Variants in TIAM1 observed in about 807,000 individuals in gnomAD.
TIAM1 encodes the protein rho guanine nucleotide exchange factor TIAM1.
In TIAM1, 65 loss-of-function variants were observed where a neutral mutation model predicts 163.5. That is an observed-to-expected ratio of 0.40 (90% CI 0.33 to 0.49). The LOEUF is 0.49. Ranked by LOEUF, TIAM1 falls within the 20% of genes least tolerant of loss-of-function variation. The probability of loss-of-function intolerance (pLI) is 0.77; values close to 1 mark genes in which losing one functional copy is unlikely to be tolerated. For synonymous variants in TIAM1, 833 were observed against 810.1 expected (o/e 1.03, Z -0.48); for missense variants, 1,789 against 2,044.7 (o/e 0.87, Z 2.41).
At chr21:31,380,984 C>T (rs1014789999) in intron 2 of TIAM1, among the ~76,000 whole-genome samples, 2 of 152,150 alleles carry the variant, frequency 1.3e-5, no homozygotes, top group African/African-American at 2.4e-5. Flanking sequence ...CTTCTTTCAC[C>T]GATGAGTGAG....
intron 15 of TIAM1, among the ~76,000 whole-genome samples, chr21:31,171,496 A>G (rs909040408): frequency 6.6e-6 from 1 of 152,244 alleles, no homozygotes; most frequent in Non-Finnish European, 1.5e-5. Flanking sequence ...AAAATATAAA[A>G]GAACTCTTAC....
At chr21:31,339,080 T>C (rs1338064699) in intron 2 of TIAM1, among the ~76,000 whole-genome samples, 163 bp downstream of exon 2, 1 of 152,148 alleles carries the variant, frequency 6.6e-6, no homozygotes, top group Non-Finnish European at 1.5e-5. Flanking sequence ...AGCCTCAGAT[T>C]GCAAGTGGGG....
intron 13 of TIAM1, among the ~76,000 whole-genome samples, chr21:31,192,638 T>C (rs972895020): frequency 2.6e-5 from 4 of 152,008 alleles, no homozygotes; most frequent in Admixed American, 1.3e-4. Flanking sequence ...CTTAATAACT[T>C]GATTCAGAGA....
At chr21:31,375,615 T>C (rs1192108944) in intron 2 of TIAM1, among the ~76,000 whole-genome samples, 1 of 152,212 alleles carries the variant, frequency 6.6e-6, no homozygotes, top group Non-Finnish European at 1.5e-5. Flanking sequence ...CATCTTCTTA[T>C]ATCAAAAAAG....
chr21:31,533,192 G>A (rs959040282), intron 1 of TIAM1, among the ~76,000 whole-genome samples: 8 of 152,104 alleles, frequency 5.3e-5, no homozygotes, highest in Admixed American at 1.3e-4. Context: ...ATGGTGGCAC[G>A]CACCTGTAAT....
intron 15 of TIAM1, among the ~76,000 whole-genome samples, chr21:31,174,716 C>T (rs948982329): frequency 6.6e-6 from 1 of 152,178 alleles, no homozygotes; most frequent in East Asian, 1.9e-4. Context: ...GGTGCGATCC[C>T]GGCTCACTGC....
intron 1 of TIAM1, among the ~76,000 whole-genome samples, chr21:31,500,695 G>A (rs779576185): frequency 6.6e-6 from 1 of 152,130 alleles, no homozygotes; most frequent in Non-Finnish European, 1.5e-5. Flanking sequence ...GGCACAAAAT[G>A]GAGGGAGGCC....
At chr21:31,337,946 T>TG (rs1253605857) in intron 2 of TIAM1, among the ~76,000 whole-genome samples, 1 of 152,132 alleles carries the variant, frequency 6.6e-6, no homozygotes, top group Non-Finnish European at 1.5e-5. Context: ...CGCTCTCTGT[T>TG]GGAGGGTGCC....
intron 6 of TIAM1, among the ~76,000 whole-genome samples, chr21:31,228,953 AACTC>A (rs1569070547): frequency 6.6e-6 from 1 of 152,156 alleles, no homozygotes; most frequent in African/African-American, 2.4e-5. Context: ...ATCTAGTGAG[AACTC>A]ACTCACTTTC....
At chr21:31,400,686 G>A (rs2077149847) in intron 2 of TIAM1, among the ~76,000 whole-genome samples, 1 of 152,130 alleles carries the variant, frequency 6.6e-6, no homozygotes, top group Non-Finnish European at 1.5e-5. Context: ...TGGTTAGTGG[G>A]GCATAGAAGC....
chr21:31,432,204 G>A (rs1240153953), intron 2 of TIAM1, among the ~76,000 whole-genome samples: 5 of 146,682 alleles, frequency 3.4e-5, no homozygotes, highest in African/African-American at 5.1e-5. Flanking sequence ...GGGTTCAAGC[G>A]ATTCTCCTGC....
intron 2 of TIAM1, among the ~76,000 whole-genome samples, chr21:31,277,276 T>C (rs1038209704): frequency 1.3e-5 from 2 of 152,226 alleles, no homozygotes; most frequent in African/African-American, 4.8e-5. Flanking sequence ...TCATCCTCAC[T>C]GCTACACTCC....
chr21:31,519,939 A>C (rs1046564167), intron 1 of TIAM1, among the ~76,000 whole-genome samples: 1 of 135,926 alleles, frequency 7.4e-6, no homozygotes, highest in African/African-American at 2.7e-5. Flanking sequence ...GGAGTTTCGG[A>C]GTTTCCATTT....
chr21:31,497,758 A>T (rs2046714307), intron 1 of TIAM1, among the ~76,000 whole-genome samples: 1 of 152,274 alleles, frequency 6.6e-6, no homozygotes, highest in South Asian at 2.1e-4. Flanking sequence ...ATAAGAAATC[A>T]GCTAAAAGCC....
At chr21:31,129,261 T>C (rs1441996062) in intron 25 of TIAM1, among the ~76,000 whole-genome samples, 1 of 152,208 alleles carries the variant, frequency 6.6e-6, no homozygotes, top group Non-Finnish European at 1.5e-5. Flanking sequence ...GTCACAGAAA[T>C]ATCACTTTTC....
intron 2 of TIAM1, among the ~76,000 whole-genome samples, chr21:31,457,103 A>T (rs959424235): frequency 6.6e-6 from 1 of 151,982 alleles, no homozygotes; most frequent in Non-Finnish European, 1.5e-5. Context: ...CTCCTCCCTG[A>T]TCATTTTTTT....
intron 6 of TIAM1, among the ~76,000 whole-genome samples, chr21:31,228,811 G>C (rs969124799): frequency 6.6e-6 from 1 of 152,206 alleles, no homozygotes; most frequent in Non-Finnish European, 1.5e-5. Flanking sequence ...TCACAGTTCA[G>C]CATGGCTGAG....
chr21:31,453,226 G>T, intron 2 of TIAM1: 1 of 256,796 alleles, frequency 3.9e-6, no homozygotes, highest in South Asian at 6.0e-5. Context: ...CTAAATAAAC[G>T]GATTGCTTTT....
chr21:31,240,484 A>G (rs1368322495), intron 6 of TIAM1, among the ~76,000 whole-genome samples: 1 of 152,142 alleles, frequency 6.6e-6, no homozygotes, highest in African/African-American at 2.4e-5. Context: ...GCACCACAGG[A>G]GGGAACAACC....
Sources: gnomAD v4.1 joint callset for allele counts (sites outside exome capture counted in the v4.1 genomes callset) on GRCh38, gnomAD v4.1.1 for gene constraint, MANE v1.5 for transcripts, NCBI Gene and HGNC (gene_info 2026-07-23, HGNC 2026-07-21) for gene names.